Variants in ZNF804B observed in about 807,000 individuals in gnomAD.
ZNF804B encodes the protein zinc finger 804B.
In ZNF804B, 80 loss-of-function variants were observed where a neutral mutation model predicts 101.4. That is an observed-to-expected ratio of 0.79 (90% CI 0.66 to 0.95). The LOEUF (loss-of-function observed/expected upper bound fraction) is 0.95, where lower values mean the gene tolerates loss of function less well. Among genes scored for constraint, ZNF804B ranks in the 40% least tolerant of loss-of-function variants. The pLI is 0.00. For synonymous variants in ZNF804B, 622 were observed against 558.8 expected (o/e 1.11, Z -1.59); for missense variants, 1,673 against 1,561.9 (o/e 1.07, Z -1.20).
At chr7:89,298,257 T>TATATATATAC (rs1429786060) in intron 2 of ZNF804B, among the ~76,000 whole-genome samples, 18 of 108,412 alleles carry the variant, frequency 1.7e-4, no homozygotes, top group East Asian at 1.6e-3. Flanking sequence ...TATATATATA[T>TATATATATAC]ACTTTAAGTT....
intron 2 of ZNF804B, among the ~76,000 whole-genome samples, chr7:89,322,708 C>T (rs1790838479): frequency 6.6e-6 from 1 of 151,868 alleles, no homozygotes; most frequent in African/African-American, 2.4e-5. Context: ...AACACATTAC[C>T]AAAACTCACT....
chr7:89,307,445 T>A (rs1790582468), intron 2 of ZNF804B, among the ~76,000 whole-genome samples: 3 of 152,022 alleles, frequency 2.0e-5, no homozygotes, highest in Admixed American at 2.0e-4. Flanking sequence ...CTCCTTGAAT[T>A]TCATACTTTA....
At chr7:89,177,834 C>T (rs1003633336) in intron 1 of ZNF804B, among the ~76,000 whole-genome samples, 25 of 151,704 alleles carry the variant, frequency 1.6e-4, no homozygotes, top group African/African-American at 4.8e-4. Context: ...GGGCGGATCA[C>T]GAGGTCAAGA....
In ZNF804B at chr7:88,823,931, C is replaced by T. The variant is rs377210951; in HGVS notation, c.108+63847C>T. 1.8e-3 allele frequency among the ~76,000 whole-genome samples: 278 copies of T among 152,210 alleles called. 2 individuals carry two copies. The highest frequency in any genetic ancestry group is 6.3e-3 in the African/African-American group (262 of 41,542). On this transcript the variant is annotated intron_variant, in intron 1 of 3. Transcript: ENST00000333190. The stretch of plus-strand genomic sequence containing the variant: ...CCACCCCAGAAAGAATGAGCAGCAG[C>T]CTGAATGCTCAGAGAGAAAGGAAAA...
intron 1 of ZNF804B, among the ~76,000 whole-genome samples, chr7:89,142,244 G>A (rs752883349): frequency 1.1e-4 from 16 of 151,744 alleles, no homozygotes; most frequent in South Asian, 4.1e-4. Context: ...TCTGGTGAAG[G>A]TTTCTTCAGG....
chr7:89,219,510 C>A (rs1003456634), intron 2 of ZNF804B, among the ~76,000 whole-genome samples: 1 of 151,748 alleles, frequency 6.6e-6, no homozygotes, highest in Non-Finnish European at 1.5e-5. Context: ...GGATATACTA[C>A]ATATGGCTGC....
Position 88,905,910 on chromosome 7 carries a change from T to G in ZNF804B, c.108+145826T>G, listed in dbSNP as rs28862394. ...TGGGTTGAGGCTTTTTTTTTTTTTT[T>G]TGGGGTTGATAGTTTTTTTTTTTAA... is the stretch of plus-strand genomic sequence containing the variant. On this transcript the variant is annotated intron_variant, in intron 1 of 3. Coordinates refer to ENST00000333190, the MANE Select transcript of ZNF804B (RefSeq NM_181646.5). Among the ~76,000 whole-genome samples the G allele has an allele frequency of 2.6e-3, 369 of 139,974 alleles. 3 individuals carry two copies. Among genetic ancestry groups the G allele is most frequent in the African/African-American group, 8.3e-3 (328 of 39,698 alleles). The allele number at this position is 139,974 out of a possible 152,430, so 91.8% of individuals were successfully genotyped here.
At chr7:89,088,251 C>T (rs1789835474) in intron 1 of ZNF804B, among the ~76,000 whole-genome samples, 1 of 151,882 alleles carries the variant, frequency 6.6e-6, no homozygotes, top group Non-Finnish European at 1.5e-5. Context: ...TATCTAGAAG[C>T]AAGAACTGAC....
intron 1 of ZNF804B, among the ~76,000 whole-genome samples, chr7:88,787,525 A>G (rs1371587070): frequency 1.3e-5 from 2 of 152,184 alleles, no homozygotes; most frequent in Non-Finnish European, 2.9e-5. Flanking sequence ...AGGTTTGCAC[A>G]GTTTTGTTGC....
chr7:88,781,458 C>G (rs966502824), intron 1 of ZNF804B, among the ~76,000 whole-genome samples: 22 of 152,082 alleles, frequency 1.4e-4, no homozygotes, highest in Non-Finnish European at 2.1e-4. Flanking sequence ...ACTAATTGGT[C>G]TAACATTCTT....
chr7:88,809,917 A>C (rs1790756075), intron 1 of ZNF804B, among the ~76,000 whole-genome samples: 1 of 152,206 alleles, frequency 6.6e-6, no homozygotes, highest in South Asian at 2.1e-4. Context: ...GTAGCGATGG[A>C]CCAACCTGAG....
chr7:88,962,278 T>C (rs1793396624), intron 1 of ZNF804B, among the ~76,000 whole-genome samples: 1 of 151,294 alleles, frequency 6.6e-6, no homozygotes, highest in Non-Finnish European at 1.5e-5. Flanking sequence ...TCATTTGCTC[T>C]TCTCTCCACT....
intron 1 of ZNF804B, among the ~76,000 whole-genome samples, chr7:89,094,541 C>T (rs746216534): frequency 6.6e-6 from 1 of 151,958 alleles, no homozygotes; most frequent in Non-Finnish European, 1.5e-5. Context: ...GGTACACTCA[C>T]TTTTTTAAAA....
At chr7:89,041,164 T>C (rs1789011594) in intron 1 of ZNF804B, among the ~76,000 whole-genome samples, 1 of 152,120 alleles carries the variant, frequency 6.6e-6, no homozygotes, top group Admixed American at 6.5e-5. Flanking sequence ...GTGTCAGGCT[T>C]TAAGCCTGAT....
At chr7:89,065,421 C>T (rs957491053) in intron 1 of ZNF804B, among the ~76,000 whole-genome samples, 6 of 152,080 alleles carry the variant, frequency 3.9e-5, no homozygotes, top group Non-Finnish European at 8.8e-5. Context: ...ATGGATGCAT[C>T]GTATGTATTT....
chr7:89,016,157 G>A (rs1370994765), intron 1 of ZNF804B, among the ~76,000 whole-genome samples: 17 of 151,988 alleles, frequency 1.1e-4, no homozygotes, highest in African/African-American at 3.6e-4. Context: ...GTCTGTTCAT[G>A]TCCTTTGCCT....
intron 1 of ZNF804B, among the ~76,000 whole-genome samples, chr7:89,099,455 A>G (rs575131406): frequency 6.6e-6 from 1 of 152,332 alleles, no homozygotes; most frequent in South Asian, 2.1e-4. Context: ...GCAGCCACTA[A>G]GAAATAGATG....
chr7:89,019,515 ACTTTGATGTTTC>A (rs941028562), intron 1 of ZNF804B, among the ~76,000 whole-genome samples: 1 of 151,986 alleles, frequency 6.6e-6, no homozygotes, highest in African/African-American at 2.4e-5. Flanking sequence ...GTGCACTGTA[ACTTTGATGTTTC>A]TTTGTGGATT....
At chr7:89,045,445 G>A (rs1789090571) in intron 1 of ZNF804B, among the ~76,000 whole-genome samples, 1 of 152,170 alleles carries the variant, frequency 6.6e-6, no homozygotes, top group Non-Finnish European at 1.5e-5. Context: ...CTGACAGCTT[G>A]CACCATGTAC....
Sources: gnomAD v4.1 joint callset for allele counts (sites outside exome capture counted in the v4.1 genomes callset) on GRCh38, gnomAD v4.1.1 for gene constraint, MANE v1.5 for transcripts, NCBI Gene and HGNC (gene_info 2026-07-23, HGNC 2026-07-21) for gene names.